The following KPNA4 variants were observed in gnomAD, a reference collection of about 807,000 sequenced individuals.
KPNA4 encodes the protein karyopherin subunit alpha 4.
In KPNA4, 13 loss-of-function variants were observed where a neutral mutation model predicts 71.3. That is an observed-to-expected ratio of 0.18 (90% CI 0.12 to 0.29). KPNA4 has a LOEUF of 0.29. KPNA4 is among the 10% of genes least tolerant of loss of function. KPNA4 has a pLI of 1.00. For synonymous variants in KPNA4, 189 were observed against 195.2 expected (o/e 0.97, Z 0.26); for missense variants, 334 against 603.2 (o/e 0.55, Z 4.67).
intron 1 of KPNA4, among the ~76,000 whole-genome samples, chr3:160,537,331 C>A (rs909922532): frequency 2.0e-5 from 3 of 151,388 alleles, no homozygotes; most frequent in East Asian, 3.9e-4. Context: ...GTCTATCTAT[C>A]CTGTTTTTTA....
At position 160,500,590 on chromosome 3, in the gene KPNA4, T is replaced by C. The variant is rs1720858315; in HGVS notation, c.*1514A>G. 1 of 152,636 alleles carries C rather than the reference T, an allele frequency of 6.6e-6. No homozygotes were observed. Among genetic ancestry groups the C allele is most frequent in the South Asian group, 2.1e-4 (1 of 4,838 alleles). The allele number at this position is 152,636 out of a possible 1,614,324, so 9.5% of individuals were successfully genotyped here. A position where few individuals can be genotyped will look rare whatever the true frequency, so the allele number is the denominator to read the frequency against. ...TGTGCATAACCTCAAAACTGAGGTA[T>C]TATTCCAATTTATAAAAACCACTTG... On this transcript the variant is annotated 3_prime_UTR_variant, in exon 17 of 17. Transcript: ENST00000334256.
At position 160,512,423 on chromosome 3, in the gene KPNA4, T is replaced by TA. The variant is rs1030448208; in HGVS notation, c.1137+1653dup. On this transcript the variant is annotated intron_variant, in intron 13 of 16. Coordinates refer to ENST00000334256, the MANE Select transcript of KPNA4 (RefSeq NM_002268.5). The stretch of plus-strand genomic sequence containing the variant: ...AAAATTCATAATTTCCAAATGACAC[T>TA]AAAAAAAAATCTACTCTGGTCTGCT... Among the ~76,000 whole-genome samples the TA allele has an allele frequency of 7.3e-5, 11 of 151,352 alleles. No individual in the cohort carries two copies. In the Middle Eastern group the frequency reaches 0.01, roughly 140 times the overall value.
Position 160,514,130 on chromosome 3 carries a change from G to T in KPNA4, c.1084C>A (p.Gln362Lys). 1 of 1,601,254 alleles carries T rather than the reference G, an allele frequency of 6.2e-7. No homozygotes were observed. The highest frequency in any genetic ancestry group is 8.5e-7 in the Non-Finnish European group (1 of 1,175,912). ...ACAAGATTGGCATCAATTACTGCCTGTACCTGCTGCTGATTTCCTGCAGTG... is the reference window on the plus strand; with the variant it reads ...ACAAGATTGGCATCAATTACTGCCTTTACCTGCTGCTGATTTCCTGCAGTG... ...NITAGNQQQV[Q>K]AVIDANLVPM... Residue 362 changes from glutamine (Q) to lysine (K), a missense_variant, in exon 13 of 17, where the codon CAG (glutamine) becomes AAG (lysine). By Grantham distance (53) the Gln-to-Lys change is moderately conservative (BLOSUM62 1). Transcript: ENST00000334256.
intron 11 of KPNA4, among the ~76,000 whole-genome samples, chr3:160,516,156 CTG>C (rs970160737): frequency 4.0e-5 from 6 of 151,502 alleles, no homozygotes; most frequent in African/African-American, 1.5e-4. Flanking sequence ...CTGGCTAATT[CTG>C]TAATTTTTTT....
chr3:160,513,702 C>G (rs1245712209), intron 13 of KPNA4, among the ~76,000 whole-genome samples: 1 of 152,166 alleles, frequency 6.6e-6, no homozygotes, highest in Non-Finnish European at 1.5e-5. Flanking sequence ...CTTCATCTAT[C>G]AAGTGGGAAT....
At chr3:160,515,303 G>T in intron 12 of KPNA4, 149 bp downstream of exon 12, 3 of 788,596 alleles carry the variant, frequency 3.8e-6, no homozygotes, top group Non-Finnish European at 6.0e-6. Context: ...GCTTGTTATG[G>T]AGAGTAAAAT....
chr3:160,548,331 T>C (rs1330472500), intron 1 of KPNA4, among the ~76,000 whole-genome samples: 2 of 152,320 alleles, frequency 1.3e-5, no homozygotes, highest in East Asian at 3.9e-4. Flanking sequence ...ACATAAGCTT[T>C]ACCACTTTAA....
At chr3:160,526,134 C>T in intron 8 of KPNA4, 27 bp from the exon 9 acceptor site, 1 of 1,451,700 alleles carries the variant, frequency 6.9e-7, no homozygotes, top group Non-Finnish European at 9.1e-7. Flanking sequence ...TTAATTTACT[C>T]AATAAAACAT....
At chr3:160,562,543 C>T (rs965970158) in intron 1 of KPNA4, among the ~76,000 whole-genome samples, 15 of 152,056 alleles carry the variant, frequency 9.9e-5, no homozygotes, top group Admixed American at 5.2e-4. Flanking sequence ...GAGAGATAGA[C>T]CAGATATGTA....
rs1244865534 is a variant in KPNA4, at chr3:160,496,560, A to C, written c.*5544T>G. 1 of 152,258 alleles carries C rather than the reference A, an allele frequency of 6.6e-6. No individual in the cohort carries two copies. The highest frequency in any genetic ancestry group is 1.5e-5 in the Non-Finnish European group (1 of 68,044). 9.4% of individuals were successfully genotyped at this position (152,258 alleles called of 1,614,324 possible). Reference sequence around the variant, plus strand: ...TGGAGATCAGAGGTAAGATATAGTCAGGGAAATTAGGATTCATGCTTGAAG... The same window carrying C: ...TGGAGATCAGAGGTAAGATATAGTCCGGGAAATTAGGATTCATGCTTGAAG... On this transcript the variant is annotated 3_prime_UTR_variant, in exon 17 of 17. Coordinates refer to ENST00000334256, the MANE Select transcript of KPNA4 (RefSeq NM_002268.5).
intron 12 of KPNA4, chr3:160,515,240 G>C: frequency 3.2e-6 from 2 of 618,446 alleles, no homozygotes; most frequent in South Asian, 2.9e-5. Context: ...ATTTCCAAGA[G>C]AGCCAAAATT....
chr3:160,542,286 T>C (rs1461834484), intron 1 of KPNA4, among the ~76,000 whole-genome samples: 1 of 152,208 alleles, frequency 6.6e-6, no homozygotes, highest in Non-Finnish European at 1.5e-5. Flanking sequence ...AAAACAGTTG[T>C]TCAACCCGAT....
In KPNA4 at chr3:160,535,683, G is replaced by A. The variant is rs1268360425; in HGVS notation, c.212C>T (p.Thr71Ile). The change falls in exon 4 of 17, where the codon ACC becomes ATC. Residue 71 changes from threonine to isoleucine, a missense_variant. By Grantham distance (89) the Thr-to-Ile change is moderately conservative (BLOSUM62 -1). Coordinates refer to ENST00000334256, the MANE Select transcript of KPNA4 (RefSeq NM_002268.5). ...DIDGDYRVQN[T>I]SLEAIVQNAS... ...TACTTGAACAATAGCTTCTAGAGAG[G>A]TATTTTGCTGGGAAAAAAGTTAAAG... The A allele has an allele frequency of 1.9e-6, 3 of 1,569,434 alleles. No individual in the cohort carries two copies. The highest frequency in any genetic ancestry group is 2.5e-5 in the South Asian group (2 of 81,286).
intron 1 of KPNA4, among the ~76,000 whole-genome samples, chr3:160,537,884 C>A (rs1302505557): frequency 6.6e-6 from 1 of 151,746 alleles, no homozygotes; most frequent in Non-Finnish European, 1.5e-5. Context: ...CTATTCTGGG[C>A]CAACGTACCA....
chr3:160,526,220 T>C, intron 8 of KPNA4, 113 bp from the exon 9 acceptor site: 1 of 749,378 alleles, frequency 1.3e-6, no homozygotes, highest in Non-Finnish European at 2.0e-6. Context: ...AGATACACTG[T>C]TCAGTTTTAG....
chr3:160,564,262 G>GT (rs1722296652), intron 1 of KPNA4: 2 of 152,230 alleles, frequency 1.3e-5, no homozygotes, highest in East Asian at 3.9e-4. Context: ...GGGAGCAGCT[G>GT]TATCTAAGAC....
At position 160,500,992 on chromosome 3, in the gene KPNA4, T is replaced by C. The variant is rs547368213; in HGVS notation, c.*1112A>G. On this transcript the variant is annotated 3_prime_UTR_variant, in exon 17 of 17. Coordinates refer to ENST00000334256, the MANE Select transcript of KPNA4 (RefSeq NM_002268.5). ...TGAACTATGCTGTAGATTTACCTCATGCAAAGATCTTTATGTTATCTCTGA... is the reference window on the plus strand; with the variant it reads ...TGAACTATGCTGTAGATTTACCTCACGCAAAGATCTTTATGTTATCTCTGA... 1 of 152,620 alleles carries C rather than the reference T, an allele frequency of 6.6e-6. No individual in the cohort carries two copies. Among genetic ancestry groups the C allele is most frequent in the African/African-American group, 2.4e-5 (1 of 41,452 alleles). 9.5% of individuals were successfully genotyped at this position (152,620 alleles called of 1,614,324 possible). A position where few individuals can be genotyped will look rare whatever the true frequency, so the allele number is the denominator to read the frequency against.
chr3:160,513,059 A>G (rs1254894406), intron 13 of KPNA4, among the ~76,000 whole-genome samples: 3 of 152,120 alleles, frequency 2.0e-5, no homozygotes, highest in Non-Finnish European at 4.4e-5. Context: ...AACAATCTTA[A>G]TATCACTACA....
chr3:160,542,093 GA>G (rs1721810816), intron 1 of KPNA4, among the ~76,000 whole-genome samples: 1 of 152,170 alleles, frequency 6.6e-6, no homozygotes, highest in African/African-American at 2.4e-5. Flanking sequence ...TACAAAAAGA[GA>G]GAACTATGAA....
Sources: gnomAD v4.1 joint callset for allele counts (sites outside exome capture counted in the v4.1 genomes callset) on GRCh38, gnomAD v4.1.1 for gene constraint, MANE v1.5 for transcripts, NCBI Gene and HGNC (gene_info 2026-07-23, HGNC 2026-07-21) for gene names.